METTL8: variants seen among roughly 807,000 people sequenced by gnomAD.
METTL8 encodes the protein tRNA N(3)-cytidine methyltransferase METTL8, mitochondrial.
A neutral mutation model predicts 48.7 loss-of-function variants in METTL8; 32 were observed. The observed-to-expected ratio is 0.66, with a 90% CI of 0.50 to 0.88. The LOEUF is 0.88. Ranked by LOEUF, METTL8 falls within the 40% of genes least tolerant of loss-of-function variation. METTL8 has a pLI of 0.00. For synonymous variants in METTL8, 136 were observed against 157.1 expected (o/e 0.87, Z 1.01); for missense variants, 464 against 474.4 (o/e 0.98, Z 0.20).
At chr2:171,388,202 C>A (rs1260294901) in intron 2 of METTL8, among the ~76,000 whole-genome samples, 2 of 152,168 alleles carry the variant, frequency 1.3e-5, no homozygotes, top group African/African-American at 4.8e-5. Context: ...TCTGTTTATT[C>A]TTCTGTCACG....
intron 4 of METTL8, among the ~76,000 whole-genome samples, chr2:171,338,206 T>G (rs1301948807): frequency 2.6e-5 from 4 of 152,108 alleles, no homozygotes; most frequent in Non-Finnish European, 4.4e-5. Context: ...ATAAGTAAAA[T>G]TATAGTACTC....
chr2:171,322,152 G>A lies in METTL8; in HGVS notation c.*2020C>T, dbSNP rs1212322816. ...TAATTTTTTTTGTATTTTTAGTAGA[G>A]ACAGGGTTTCACAGTGTTGGTCAGG... is the stretch of plus-strand genomic sequence containing the variant. On this transcript the variant is annotated 3_prime_UTR_variant, in exon 10 of 10. Coordinates refer to ENST00000375258, the MANE Select transcript of METTL8 (RefSeq NM_001321154.2). 6.6e-6 allele frequency: 1 copy of A among 151,826 alleles called. No individual in the cohort carries two copies. The highest frequency in any genetic ancestry group is 1.5e-5 in the Non-Finnish European group (1 of 67,978). 9.4% of individuals were successfully genotyped at this position (151,826 alleles called of 1,614,324 possible).
At chr2:171,386,743 G>C (rs111421908) in intron 2 of METTL8, among the ~76,000 whole-genome samples, 3 of 152,214 alleles carry the variant, frequency 2.0e-5, no homozygotes, top group African/African-American at 7.2e-5. Context: ...CATGAACCTA[G>C]GTGAGGACAG....
rs1575755601 is a variant in METTL8 at position 171,339,375 on chromosome 2, T to C, written c.415A>G (p.Asn139Asp). The C allele has an allele frequency of 1.2e-6, 2 of 1,613,368 alleles. No homozygotes were observed. The highest frequency in any genetic ancestry group is 4.5e-5 in the East Asian group (2 of 44,832). ...GGACAGTGCATTCTTGAGAAACGAT[T>C]TGTAGCACTAGTTTTTACATGATCC... Reference protein sequence around the residue: ...SWDHVKTSATNRFSRMHCPTV... With the variant: ...SWDHVKTSATDRFSRMHCPTV... The change falls in exon 4 of 10, where the codon AAT (asparagine) becomes GAT (aspartate). Residue 139 changes from asparagine (N) to aspartate (D), a missense_variant. Transcript: ENST00000375258.
intron 3 of METTL8, among the ~76,000 whole-genome samples, chr2:171,351,771 T>C (rs1166082738): frequency 1.3e-5 from 2 of 152,212 alleles, no homozygotes; most frequent in African/African-American, 2.4e-5. Flanking sequence ...GTTTGTCTGT[T>C]ATTGGTGTAT....
chr2:171,420,074 G>C (rs1259605531), intron 1 of METTL8, among the ~76,000 whole-genome samples: 3 of 151,994 alleles, frequency 2.0e-5, no homozygotes, highest in South Asian at 2.1e-4. Context: ...GTGTTGGCTG[G>C]GCACGGTGGC....
chr2:171,351,538 A>G (rs1001907085), intron 3 of METTL8, among the ~76,000 whole-genome samples: 6 of 152,168 alleles, frequency 3.9e-5, no homozygotes, highest in African/African-American at 1.2e-4. Context: ...CATTGAATCT[A>G]TAAATTACCT....
At chr2:171,352,413 A>G (rs989709841) in intron 3 of METTL8, among the ~76,000 whole-genome samples, 6 of 152,120 alleles carry the variant, frequency 3.9e-5, no homozygotes, top group Non-Finnish European at 7.3e-5. Flanking sequence ...GATCAGGGAT[A>G]TTGGTCTAAA....
chr2:171,374,065 T>C (rs1361143380), intron 2 of METTL8, among the ~76,000 whole-genome samples: 4 of 152,252 alleles, frequency 2.6e-5, no homozygotes, highest in African/African-American at 9.6e-5. Flanking sequence ...ATAAATTACC[T>C]TGAGCAGTAT....
intron 2 of METTL8, among the ~76,000 whole-genome samples, chr2:171,369,562 T>C (rs1318384533): frequency 6.6e-6 from 1 of 152,244 alleles, no homozygotes; most frequent in Admixed American, 6.5e-5. Flanking sequence ...TAATAAATGT[T>C]TTCATGTCTG....
intron 2 of METTL8, among the ~76,000 whole-genome samples, chr2:171,385,387 A>T (rs576219370): frequency 6.6e-6 from 1 of 152,180 alleles, no homozygotes; most frequent in Admixed American, 6.5e-5. Flanking sequence ...ATTCTTAAAT[A>T]TAAAGGAGAA....
chr2:171,411,638 T>G (rs972724830), intron 1 of METTL8, among the ~76,000 whole-genome samples: 5 of 152,206 alleles, frequency 3.3e-5, no homozygotes, highest in Admixed American at 6.5e-5. Flanking sequence ...AAAAGGTACA[T>G]CGCTACTCCA....
At position 171,320,160 on chromosome 2, in the gene METTL8, T is replaced by C. The variant is rs982462949; in HGVS notation, c.*4012A>G. The C allele has an allele frequency of 3.9e-5, 6 of 151,992 alleles. No individual in the cohort carries two copies. Among genetic ancestry groups the C allele is most frequent in the African/African-American group, 1.2e-4 (5 of 41,376 alleles). 9.4% of individuals were successfully genotyped at this position (151,992 alleles called of 1,614,324 possible). ...TTCTTTCTGTGCCAAAATCTACATT[T>C]CTATCTAGCAGCAAACCCCGAGAAG... On this transcript the variant is annotated 3_prime_UTR_variant, in exon 10 of 10. Transcript: ENST00000375258.
intron 2 of METTL8, among the ~76,000 whole-genome samples, chr2:171,387,500 A>G (rs1440245689): frequency 6.6e-6 from 1 of 152,092 alleles, no homozygotes; most frequent in Non-Finnish European, 1.5e-5. Flanking sequence ...ACTGCACTCC[A>G]GCCAGGGCGA....
chr2:171,357,257 C>T (rs1345061264), intron 3 of METTL8, among the ~76,000 whole-genome samples: 2 of 152,062 alleles, frequency 1.3e-5, no homozygotes, highest in African/African-American at 4.8e-5. Flanking sequence ...CTGTGCCCAG[C>T]CAACAATATG....
At chr2:171,412,044 T>C (rs1369864366) in intron 1 of METTL8, among the ~76,000 whole-genome samples, 1 of 152,216 alleles carries the variant, frequency 6.6e-6, no homozygotes, top group Admixed American at 6.5e-5. Flanking sequence ...TAAATGTCTC[T>C]TTAGGATTCT....
intron 3 of METTL8, among the ~76,000 whole-genome samples, chr2:171,354,303 T>TTG (rs1322012444): frequency 2.0e-5 from 3 of 152,256 alleles, no homozygotes; most frequent in African/African-American, 7.2e-5. Context: ...CTCTTCTGAC[T>TTG]TGTAGAGTTT....
chr2:171,370,414 A>G (rs1686200176), intron 2 of METTL8, among the ~76,000 whole-genome samples: 1 of 152,204 alleles, frequency 6.6e-6, no homozygotes, highest in Non-Finnish European at 1.5e-5. Context: ...AAAATGTTCT[A>G]TAGGTTAGCC....
chr2:171,378,924 G>A (rs1322025849), intron 2 of METTL8, among the ~76,000 whole-genome samples: 1 of 152,186 alleles, frequency 6.6e-6, no homozygotes, highest in African/African-American at 2.4e-5. Flanking sequence ...GATATCTACA[G>A]AACTCTCCAC....
Sources: allele counts gnomAD v4.1 joint callset (sites outside exome capture counted in the v4.1 genomes callset), GRCh38; gene constraint gnomAD v4.1.1; transcripts MANE v1.5; gene names NCBI Gene and HGNC (gene_info 2026-07-23, HGNC 2026-07-21).